Variants in PAK1 observed in about 807,000 individuals in gnomAD.
PAK1 encodes the protein p21 (RAC1) activated kinase 1.
A neutral mutation model predicts 67.4 loss-of-function variants in PAK1; 29 were observed. That is an observed-to-expected ratio of 0.43 (90% confidence interval 0.32 to 0.59). The LOEUF is 0.59. Among genes scored for constraint, PAK1 ranks in the 20% least tolerant of loss-of-function variants. The probability of loss-of-function intolerance (pLI) is 0.07; values close to 1 mark genes in which losing one functional copy is unlikely to be tolerated. For missense variants in PAK1, 337 were observed against 670.7 expected, an observed-to-expected ratio of 0.50 and a Z score of 5.50; for synonymous variants, 223 against 237.4, an observed-to-expected ratio of 0.94 and a Z score of 0.56.
At chr11:77,433,291 T>G (rs1420884018) in intron 1 of PAK1, among the ~76,000 whole-genome samples, 6 of 152,202 alleles carry the variant, frequency 3.9e-5, no homozygotes, top group African/African-American at 1.4e-4. Flanking sequence ...AATGGTTTCT[T>G]AGACATAACA....
intron 8 of PAK1, among the ~76,000 whole-genome samples, chr11:77,351,590 C>T (rs1945254331): frequency 6.6e-6 from 1 of 152,018 alleles, no homozygotes; most frequent in Admixed American, 6.6e-5. Context: ...TTGAAAAACA[C>T]TGGAACTAGA....
chr11:77,477,606 A>C (rs1281043608), upstream of PAK1, among the ~76,000 whole-genome samples: 1 of 151,302 alleles, frequency 6.6e-6, no homozygotes, highest in African/African-American at 2.4e-5. Context: ...TTAGCCAGGC[A>C]TGTCAGCACA....
chr11:77,475,327 C>A (rs1038587657), upstream of PAK1: 1 of 152,248 alleles, frequency 6.6e-6, no homozygotes, highest in African/African-American at 2.4e-5. Flanking sequence ...ACCACCTGAA[C>A]AACTGGAGCA....
At chr11:77,424,751 TC>T (rs1180159367) in intron 1 of PAK1, among the ~76,000 whole-genome samples, 3 of 152,200 alleles carry the variant, frequency 2.0e-5, no homozygotes, top group African/African-American at 7.2e-5. Context: ...TAACTTGCCA[TC>T]TCTGATGCAG....
the PAK1 span, among the ~76,000 whole-genome samples, chr11:77,500,424 G>A: frequency 6.6e-6 from 1 of 151,656 alleles, no homozygotes; most frequent in Admixed American, 6.6e-5. Context: ...CCGAGATTGT[G>A]CCACTGCACC....
intron 1 of PAK1, among the ~76,000 whole-genome samples, chr11:77,460,552 C>CT (rs36038856): frequency 0.26 from 38,298 of 144,920 alleles, 5,202 homozygotes; most frequent in Non-Finnish European, 0.32. Flanking sequence ...CCCAGGAGCA[C>CT]TTTTTTTTTT....
At chr11:77,376,832 G>T (rs1238638316) in intron 4 of PAK1, among the ~76,000 whole-genome samples, 3 of 152,062 alleles carry the variant, frequency 2.0e-5, no homozygotes, top group Non-Finnish European at 4.4e-5. Flanking sequence ...GGCAGCAAAG[G>T]AGTTAAAGGC....
At chr11:77,397,146 C>G (rs1370837251) in intron 1 of PAK1, 1 of 152,206 alleles carries the variant, frequency 6.6e-6, no homozygotes, top group Non-Finnish European at 1.5e-5. Flanking sequence ...CAGATAGCAC[C>G]ATTCTATCCA....
intron 5 of PAK1, among the ~76,000 whole-genome samples, chr11:77,367,255 T>C (rs1947726332): frequency 6.6e-6 from 1 of 152,176 alleles, no homozygotes; most frequent in Admixed American, 6.5e-5. Context: ...ACTCTATAAA[T>C]TTATTAAAAG....
At chr11:77,461,339 T>C (rs1957334880) in intron 1 of PAK1, among the ~76,000 whole-genome samples, 1 of 152,348 alleles carries the variant, frequency 6.6e-6, no homozygotes, top group Admixed American at 6.5e-5. Flanking sequence ...GGAAGGTATT[T>C]TGCAGATGTG....
At chr11:77,456,629 C>T (rs1054049594) in intron 1 of PAK1, among the ~76,000 whole-genome samples, 3 of 152,108 alleles carry the variant, frequency 2.0e-5, no homozygotes, top group African/African-American at 2.4e-5. Context: ...TAATGATAGC[C>T]GACATTTGTT....
At chr11:77,489,411 C>G in the PAK1 span, among the ~76,000 whole-genome samples, 155 of 151,640 alleles carry the variant, frequency 1.0e-3, no homozygotes, top group African/African-American at 3.6e-3. Context: ...CTCCTCTCTC[C>G]TCTCTCCTCT....
intron 11 of PAK1, among the ~76,000 whole-genome samples, chr11:77,339,025 T>C (rs2136217065): frequency 6.6e-6 from 1 of 152,240 alleles, no homozygotes; most frequent in South Asian, 2.1e-4. Flanking sequence ...TGTACAACTC[T>C]ATGAATATAC....
intron 1 of PAK1, among the ~76,000 whole-genome samples, chr11:77,423,935 T>C (rs1955417884): frequency 6.6e-6 from 1 of 152,200 alleles, no homozygotes; most frequent in Non-Finnish European, 1.5e-5. Flanking sequence ...CTGAGTCTGG[T>C]GAAAATCAAT....
At chr11:77,517,092 T>C in the PAK1 span, among the ~76,000 whole-genome samples, 1 of 152,132 alleles carries the variant, frequency 6.6e-6, no homozygotes, top group Admixed American at 6.6e-5. Flanking sequence ...CAGGGATGAA[T>C]CTTCCTTCAG....
chr11:77,354,827 T>C (rs1484832792), intron 7 of PAK1, among the ~76,000 whole-genome samples: 2 of 152,186 alleles, frequency 1.3e-5, no homozygotes, highest in African/African-American at 4.8e-5. Context: ...GTAGATACAG[T>C]GAATAAATTA....
the PAK1 span, among the ~76,000 whole-genome samples, chr11:77,495,228 C>A: frequency 6.6e-6 from 1 of 151,708 alleles, no homozygotes; most frequent in Non-Finnish European, 1.5e-5. Context: ...AATCCCAGCA[C>A]TTTGGGAGAC....
At chr11:77,335,817 T>C (rs2136173241) in intron 13 of PAK1, among the ~76,000 whole-genome samples, 1 of 152,378 alleles carries the variant, frequency 6.6e-6, no homozygotes, top group South Asian at 2.1e-4. Flanking sequence ...TCACAGCATT[T>C]ACCATCTGTT....
intron 5 of PAK1, among the ~76,000 whole-genome samples, chr11:77,364,444 C>T (rs1349536731): frequency 6.6e-6 from 1 of 152,088 alleles, no homozygotes; most frequent in Non-Finnish European, 1.5e-5. Context: ...AACAACAAAA[C>T]CACCACAAAA....
Sources: allele counts gnomAD v4.1 joint callset (sites outside exome capture counted in the v4.1 genomes callset), GRCh38; gene constraint gnomAD v4.1.1; transcripts MANE v1.5; gene names NCBI Gene and HGNC (gene_info 2026-07-23, HGNC 2026-07-21).